The following DPP4 variants were observed in gnomAD, a reference collection of about 807,000 sequenced individuals.
The protein encoded by DPP4 is ADCP-2.
In DPP4, 93 loss-of-function variants were observed where a neutral mutation model predicts 122.4. The observed-to-expected ratio is 0.76, with a 90% CI of 0.64 to 0.90. The LOEUF (loss-of-function observed/expected upper bound fraction) is 0.90, where lower values mean the gene tolerates loss of function less well. DPP4 is among the 40% of genes least tolerant of loss of function. DPP4 has a pLI of 0.00. For missense variants in DPP4, 914 were observed against 907.3 expected, an observed-to-expected ratio of 1.01 and a Z score of -0.09; for synonymous variants, 321 against 302.9, an observed-to-expected ratio of 1.06 and a Z score of -0.62.
chr2:162,036,938 C>G (rs1328999407), intron 8 of DPP4, among the ~76,000 whole-genome samples: 1 of 152,182 alleles, frequency 6.6e-6, no homozygotes, highest in East Asian at 1.9e-4. Context: ...TGATTCTGGT[C>G]TATAACACAG....
At chr2:162,017,371 A>G in intron 16 of DPP4, 1 of 548,302 alleles carries the variant, frequency 1.8e-6, no homozygotes, top group East Asian at 3.0e-5. Flanking sequence ...CTGGAAAGGC[A>G]CAGGGCTCAG....
chr2:162,035,451 G>T, intron 8 of DPP4, 127 bp from the exon 9 acceptor site: 1 of 749,070 alleles, frequency 1.3e-6, no homozygotes, highest in Non-Finnish European at 2.1e-6. Context: ...CTTTGCATTT[G>T]CTGGGCTTCC....
chr2:162,001,867 C>G (rs982411904), intron 23 of DPP4, among the ~76,000 whole-genome samples: 2 of 152,210 alleles, frequency 1.3e-5, no homozygotes, highest in African/African-American at 4.8e-5. Context: ...TGTCACCCCT[C>G]CACTTTGGCT....
chr2:162,034,602 G>A (rs1327448984), intron 9 of DPP4, among the ~76,000 whole-genome samples: 1 of 152,122 alleles, frequency 6.6e-6, no homozygotes, highest in Admixed American at 6.5e-5. Context: ...CCCGGCTTAC[G>A]CTGCTTAACA....
chr2:162,011,517 T>C (rs906415410), intron 20 of DPP4, among the ~76,000 whole-genome samples: 1 of 152,156 alleles, frequency 6.6e-6, no homozygotes, highest in Middle Eastern at 3.2e-3. Flanking sequence ...TGATTTTCTG[T>C]TCTTAGAATG....
chr2:161,992,389 A>G lies in DPP4; in HGVS notation c.*894T>C, dbSNP rs1287076711. The G allele has an allele frequency of 6.6e-6, 1 of 152,644 alleles. No homozygotes were observed. Among genetic ancestry groups the G allele is most frequent in the South Asian group, 2.1e-4 (1 of 4,836 alleles). The allele number at this position is 152,644 out of a possible 1,614,324, so 9.5% of individuals were successfully genotyped here. A position where few individuals can be genotyped will look rare whatever the true frequency, so the allele number is the denominator to read the frequency against. ...AAGTTAAAATATTCTTTTAATTAAG[A>G]CACTCAAAGAAATGAAATAAGAAAA... is the stretch of plus-strand genomic sequence containing the variant. On this transcript the variant is annotated 3_prime_UTR_variant, in exon 26 of 26. Coordinates refer to ENST00000360534, the MANE Select transcript of DPP4 (RefSeq NM_001935.4).
chr2:162,042,659 G>C (rs1684027151), intron 5 of DPP4, among the ~76,000 whole-genome samples: 1 of 151,682 alleles, frequency 6.6e-6, no homozygotes, highest in South Asian at 2.1e-4. Flanking sequence ...AGAAGATATA[G>C]ATCCTTAGTT....
At chr2:162,003,331 G>A (rs765226246) in intron 23 of DPP4, among the ~76,000 whole-genome samples, 2 of 152,102 alleles carry the variant, frequency 1.3e-5, no homozygotes, top group Non-Finnish European at 2.9e-5. Context: ...CGGTGGGAAC[G>A]AGGAGCCTAT....
At chr2:162,015,820 C>T (rs1205351387) in intron 18 of DPP4, among the ~76,000 whole-genome samples, 1 of 152,196 alleles carries the variant, frequency 6.6e-6, no homozygotes, top group Non-Finnish European at 1.5e-5. Flanking sequence ...TCAGTGCCTT[C>T]TGTACCAGGT....
intron 11 of DPP4, among the ~76,000 whole-genome samples, chr2:162,024,382 A>G (rs1284827038): frequency 6.6e-6 from 1 of 152,220 alleles, no homozygotes; most frequent in African/African-American, 2.4e-5. Context: ...CAGTATGGTA[A>G]TGGGTTTGTG....
intron 5 of DPP4, among the ~76,000 whole-genome samples, chr2:162,041,889 T>C (rs573610041): frequency 3.3e-5 from 5 of 152,252 alleles, no homozygotes; most frequent in African/African-American, 9.6e-5. Context: ...ATGGAGGATA[T>C]GCAATAGTAA....
At position 161,995,322 on chromosome 2, in the gene DPP4, G is replaced by A. The variant is rs201467059; in HGVS notation, c.2103C>T (p.Leu701=). 3.2e-4 allele frequency: 510 copies of A among 1,613,980 alleles called. 1 individual carries two copies. The highest frequency in any genetic ancestry group is 8.3e-4 in the Middle Eastern group (5 of 6,060). Residue 701 remains leucine, a synonymous_variant, in exon 24 of 26, where the codon CTC becomes CTT. Coordinates refer to ENST00000360534, the MANE Select transcript of DPP4 (RefSeq NM_001935.4). The part of the protein sequence containing the change: ...RAENFKQVEY[L]LIHGTADDNV... The stretch of plus-strand genomic sequence containing the variant: ...CACCATCTGCTGTTCCATGAATAAG[G>A]AGGTACTCAACTTGTTTAAAATTTT...
intron 2 of DPP4, among the ~76,000 whole-genome samples, chr2:162,048,095 G>A (rs1040311236): frequency 8.8e-4 from 134 of 152,166 alleles, no homozygotes; most frequent in African/African-American, 3.2e-3. Flanking sequence ...GAGGCTTTGG[G>A]GCCCAGTTTC....
At chr2:162,017,178 A>G (rs1435545867) in intron 16 of DPP4, 23 bp from the exon 17 acceptor site, 1 of 1,604,222 alleles carries the variant, frequency 6.2e-7, no homozygotes, top group Non-Finnish European at 8.5e-7. Flanking sequence ...TGGGGGAAAA[A>G]TGTTTTGGAT....
intron 19 of DPP4, 32 bp from the exon 20 acceptor site, chr2:162,012,019 G>T: frequency 6.3e-7 from 1 of 1,595,214 alleles, no homozygotes; most frequent in South Asian, 1.1e-5. Flanking sequence ...TAGCTTTCAT[G>T]GTTTTCTGGA....
intron 23 of DPP4, among the ~76,000 whole-genome samples, chr2:162,001,993 T>C (rs1292287501): frequency 6.6e-6 from 1 of 152,118 alleles, no homozygotes; most frequent in Admixed American, 6.5e-5. Flanking sequence ...TTGCCAGTAG[T>C]TGGATGATTA....
intron 10 of DPP4, among the ~76,000 whole-genome samples, chr2:162,029,135 A>C (rs186605084): frequency 6.6e-4 from 100 of 152,372 alleles, no homozygotes; most frequent in Non-Finnish European, 1.2e-3. Context: ...CACACAACAG[A>C]GAATCCCCTT....
intron 2 of DPP4, among the ~76,000 whole-genome samples, chr2:162,066,537 C>T (rs1231096851): frequency 1.3e-5 from 2 of 152,162 alleles, no homozygotes; most frequent in Admixed American, 1.3e-4. Context: ...TATTTCTGCA[C>T]TTGCCTATAA....
At chr2:162,022,281 C>A (rs773030815) in intron 12 of DPP4, among the ~76,000 whole-genome samples, 15 of 152,222 alleles carry the variant, frequency 9.9e-5, no homozygotes, top group Non-Finnish European at 1.9e-4. Context: ...CATAAGCCTG[C>A]AAGTATGATT....
Sources: gnomAD v4.1 joint callset for allele counts (sites outside exome capture counted in the v4.1 genomes callset) on GRCh38, gnomAD v4.1.1 for gene constraint, MANE v1.5 for transcripts, NCBI Gene and HGNC (gene_info 2026-07-23, HGNC 2026-07-21) for gene names.